The following KCNQ3 variants were observed in gnomAD, a reference collection of about 807,000 sequenced individuals.
The protein encoded by KCNQ3 is potassium voltage-gated channel subfamily KQT member 3.
In KCNQ3, 30 loss-of-function variants were observed where a neutral mutation model predicts 92.5. That is an observed-to-expected ratio of 0.32 (90% confidence interval 0.24 to 0.44). The LOEUF is 0.44. KCNQ3 is among the 20% of genes least tolerant of loss of function. The pLI, the probability that KCNQ3 is intolerant of heterozygous loss-of-function variation, is 1.00. For missense variants in KCNQ3, 913 were observed against 1,140.3 expected (o/e 0.80, Z 2.87); for synonymous variants, 450 against 468.8 (o/e 0.96, Z 0.52).
At chr8:132,298,196 C>T (rs1817105787) in intron 1 of KCNQ3, among the ~76,000 whole-genome samples, 1 of 152,132 alleles carries the variant, frequency 6.6e-6, no homozygotes, top group Non-Finnish European at 1.5e-5. Flanking sequence ...AGAAGTTTCC[C>T]AGAACATGAG....
At chr8:132,248,318 CT>C (rs1815257300) in intron 1 of KCNQ3, among the ~76,000 whole-genome samples, 1 of 126,646 alleles carries the variant, frequency 7.9e-6, no homozygotes, top group Non-Finnish European at 1.6e-5. Context: ...ATCCATGGAC[CT>C]TTTTTAGTCT....
chr8:132,385,700 TG>T (rs1819871933), intron 1 of KCNQ3, among the ~76,000 whole-genome samples: 2 of 152,058 alleles, frequency 1.3e-5, no homozygotes, highest in Admixed American at 1.3e-4. Context: ...TGCTAGAAGT[TG>T]GTAGGAGAGG....
At chr8:132,414,772 G>A (rs998138452) in intron 1 of KCNQ3, among the ~76,000 whole-genome samples, 6 of 152,216 alleles carry the variant, frequency 3.9e-5, no homozygotes, top group East Asian at 1.9e-4. Flanking sequence ...AACACTGTGC[G>A]TGATAGAAAC....
intron 1 of KCNQ3, among the ~76,000 whole-genome samples, chr8:132,308,363 T>C (rs910862944): frequency 1.3e-5 from 2 of 151,844 alleles, no homozygotes; most frequent in Non-Finnish European, 2.9e-5. Flanking sequence ...ACAAGTACCA[T>C]TAGAGAGGGA....
chr8:132,198,679 T>C (rs1417934901), intron 1 of KCNQ3, among the ~76,000 whole-genome samples: 1 of 151,890 alleles, frequency 6.6e-6, no homozygotes, highest in Non-Finnish European at 1.5e-5. Context: ...TGGTGGCGGG[T>C]GCCTGCAATC....
rs552832991 is a variant in KCNQ3 at position 132,166,201 on chromosome 8, C to T, written c.1236-2707G>A. Among the ~76,000 whole-genome samples, 3 of 152,238 alleles carry T rather than the reference C, an allele frequency of 2.0e-5. 1 individual carries two copies. The South Asian group carries it at 6.2e-4, about 32-fold the overall frequency. On this transcript the variant is annotated intron_variant, in intron 8 of 14. Coordinates refer to ENST00000388996, the MANE Select transcript of KCNQ3 (RefSeq NM_004519.4). Reference sequence around the variant, plus strand: ...TTACTTTAAAATTAAAAAATCTGTTCCTCAATTGCACTGCTAACAGTCAAA... The same window carrying T: ...TTACTTTAAAATTAAAAAATCTGTTTCTCAATTGCACTGCTAACAGTCAAA...
At chr8:132,293,765 A>G (rs951268839) in intron 1 of KCNQ3, among the ~76,000 whole-genome samples, 10 of 152,160 alleles carry the variant, frequency 6.6e-5, no homozygotes, top group African/African-American at 2.4e-4. Flanking sequence ...CAGGCATGAC[A>G]CGTGAAATAG....
chr8:132,174,537 G>A (rs539657076), intron 5 of KCNQ3, among the ~76,000 whole-genome samples, 188 bp from the exon 6 acceptor site: 1 of 152,322 alleles, frequency 6.6e-6, no homozygotes, highest in South Asian at 2.1e-4. Context: ...TTGTTGATAA[G>A]TTAAGGGTTT....
chr8:132,213,207 A>T lies in KCNQ3; in HGVS notation c.387-27026T>A, dbSNP rs933981679. ...CCCAGCCCATAACGCCAGCCACTGC[A>T]ATTATTTTGGAAACTCAGTTCTGCC... On this transcript the variant is annotated intron_variant, in intron 1 of 14. Transcript: ENST00000388996. Among the ~76,000 whole-genome samples the T allele has an allele frequency of 2.6e-5, 4 of 152,228 alleles. No individual in the cohort carries two copies. In the East Asian group the frequency reaches 7.7e-4, roughly 29 times the overall value.
intron 5 of KCNQ3, among the ~76,000 whole-genome samples, chr8:132,175,197 C>T (rs1186809485): frequency 6.6e-6 from 1 of 152,168 alleles, no homozygotes; most frequent in East Asian, 1.9e-4. Context: ...ACTAATAAGG[C>T]TAAGTCCATA....
intron 1 of KCNQ3, among the ~76,000 whole-genome samples, chr8:132,269,862 CATAAATATTTGTTGAAATAAA>C (rs1451508913): frequency 6.6e-6 from 1 of 152,138 alleles, no homozygotes; most frequent in African/African-American, 2.4e-5. Flanking sequence ...GGCAGGGGCT[CATAAATATTTGTTGAAATAAA>C]ATTTCTGTCT....
chr8:132,160,664 G>A (rs1294124912), intron 9 of KCNQ3, among the ~76,000 whole-genome samples: 1 of 149,286 alleles, frequency 6.7e-6, no homozygotes, highest in African/African-American at 2.6e-5. Context: ...CCCATAGTCA[G>A]TTATAAAGCT....
At chr8:132,414,815 A>G (rs933343527) in intron 1 of KCNQ3, among the ~76,000 whole-genome samples, 2 of 152,240 alleles carry the variant, frequency 1.3e-5, no homozygotes, top group African/African-American at 4.8e-5. Flanking sequence ...AGGAATTTGG[A>G]GCCACCTACA....
intron 1 of KCNQ3, among the ~76,000 whole-genome samples, chr8:132,261,220 G>C (rs1815775303): frequency 6.6e-6 from 1 of 152,208 alleles, no homozygotes; most frequent in East Asian, 1.9e-4. Flanking sequence ...ACCAGGATCT[G>C]TTTGGATGTA....
intron 1 of KCNQ3, among the ~76,000 whole-genome samples, chr8:132,475,275 T>C (rs1226190653): frequency 6.6e-6 from 1 of 152,178 alleles, no homozygotes; most frequent in African/African-American, 2.4e-5. Flanking sequence ...ATAAAGATAC[T>C]TGCAAGTATG....
chr8:132,347,977 TAAAAAAAAAAA>T (rs5895138), intron 1 of KCNQ3, among the ~76,000 whole-genome samples: 2 of 78,102 alleles, frequency 2.6e-5, no homozygotes, highest in Non-Finnish European at 4.9e-5. Context: ...AGACTCCATC[TAAAAAAAAAAA>T]AAAAAAAAAA....
At chr8:132,323,148 G>A (rs117465121) in intron 1 of KCNQ3, among the ~76,000 whole-genome samples, 7 of 152,130 alleles carry the variant, frequency 4.6e-5, no homozygotes, top group African/African-American at 1.7e-4. Flanking sequence ...ACTGAGGCCC[G>A]CACTCTTTAT....
chr8:132,310,587 G>T (rs1817566820), intron 1 of KCNQ3, among the ~76,000 whole-genome samples: 1 of 152,176 alleles, frequency 6.6e-6, no homozygotes, highest in African/African-American at 2.4e-5. Flanking sequence ...TGTAAAATGA[G>T]CCGTCAAAGA....
At chr8:132,172,553 G>A (rs778402455) in intron 7 of KCNQ3, 45 bp downstream of exon 7, 20 of 1,506,396 alleles carry the variant, frequency 1.3e-5, no homozygotes, top group Middle Eastern at 1.7e-4. Flanking sequence ...ATGTACATAT[G>A]CATGGATCTT....
Sources: allele counts gnomAD v4.1 joint callset (sites outside exome capture counted in the v4.1 genomes callset), GRCh38; gene constraint gnomAD v4.1.1; transcripts MANE v1.5; gene names NCBI Gene and HGNC (gene_info 2026-07-23, HGNC 2026-07-21).